NELL1: variants seen among roughly 807,000 people sequenced by gnomAD.
NELL1 encodes neural EGFL like 1, also known as protein kinase C-binding protein NELL1.
In NELL1, 76 loss-of-function variants were observed where a neutral mutation model predicts 107.4. That is an observed-to-expected ratio of 0.71 (90% CI 0.59 to 0.86). NELL1 has a LOEUF of 0.86. NELL1 is among the 40% of genes least tolerant of loss of function. The probability of loss-of-function intolerance (pLI) is 0.00; values close to 1 mark genes in which losing one functional copy is unlikely to be tolerated. For missense variants in NELL1, 1,024 were observed against 1,005.5 expected, an observed-to-expected ratio of 1.02 and a Z score of -0.25; for synonymous variants, 353 against 341.2, an observed-to-expected ratio of 1.03 and a Z score of -0.38.
chr11:20,999,675 C>A (rs557770716), intron 12 of NELL1, among the ~76,000 whole-genome samples: 1 of 151,772 alleles, frequency 6.6e-6, no homozygotes, highest in South Asian at 2.1e-4. Context: ...ATCTTCCAGA[C>A]CTTGTTTTCT....
At chr11:21,097,392 A>G (rs1354933564) in intron 12 of NELL1, among the ~76,000 whole-genome samples, 1 of 152,238 alleles carries the variant, frequency 6.6e-6, no homozygotes, top group Non-Finnish European at 1.5e-5. Context: ...GCAAGAGCAC[A>G]GAGAACAAAG....
At position 20,714,186 on chromosome 11, in the gene NELL1, T is replaced by C. The variant is rs542988723; in HGVS notation, c.184+36126T>C. Among the ~76,000 whole-genome samples the C allele has an allele frequency of 4.7e-3, 670 of 142,420 alleles. 8 individuals are homozygous for C. Among genetic ancestry groups the C allele is most frequent in the Middle Eastern group, 0.011 (3 of 268 alleles). 93.4% of individuals were successfully genotyped at this position (142,420 alleles called of 152,430 possible). ...TACCTCCCCTGTCTCCTATCTGCTATCTCCCCGATTTTTTTTTTTTTTTTT... is the reference window on the plus strand; with the variant it reads ...TACCTCCCCTGTCTCCTATCTGCTACCTCCCCGATTTTTTTTTTTTTTTTT... On this transcript the variant is annotated intron_variant, in intron 2 of 19. Coordinates refer to ENST00000357134, the MANE Select transcript of NELL1 (RefSeq NM_006157.5).
intron 14 of NELL1, among the ~76,000 whole-genome samples, chr11:21,337,520 C>G (rs1850432660): frequency 6.6e-6 from 1 of 152,218 alleles, no homozygotes; most frequent in South Asian, 2.1e-4. Flanking sequence ...AGACAGCATA[C>G]AGGAGCTCTT....
chr11:20,970,917 C>T (rs1851487333), intron 12 of NELL1, among the ~76,000 whole-genome samples: 1 of 152,066 alleles, frequency 6.6e-6, no homozygotes, highest in Non-Finnish European at 1.5e-5. Flanking sequence ...TCATCTCATC[C>T]TCAATGAAAT....
intron 14 of NELL1, among the ~76,000 whole-genome samples, chr11:21,327,808 A>T (rs1218778440): frequency 6.6e-6 from 1 of 152,110 alleles, no homozygotes; most frequent in Non-Finnish European, 1.5e-5. Context: ...GGAGATGAGG[A>T]ACTTGTTGGG....
At chr11:20,779,415 C>A (rs906026483) in intron 2 of NELL1, among the ~76,000 whole-genome samples, 1 of 152,204 alleles carries the variant, frequency 6.6e-6, no homozygotes, top group Non-Finnish European at 1.5e-5. Flanking sequence ...CTAACTTGCT[C>A]TCTATATTTA....
chr11:21,486,735 A>G (rs144276315), intron 15 of NELL1, among the ~76,000 whole-genome samples: 45 of 152,284 alleles, frequency 3.0e-4, no homozygotes, highest in African/African-American at 1.1e-3. Flanking sequence ...ATAAAAAACA[A>G]TTCAGGATAT....
intron 12 of NELL1, among the ~76,000 whole-genome samples, chr11:21,008,291 C>T (rs1188624293): frequency 1.3e-5 from 2 of 152,136 alleles, no homozygotes; most frequent in Non-Finnish European, 2.9e-5. Flanking sequence ...ATACAAACTA[C>T]ATCTTAAATC....
intron 14 of NELL1, among the ~76,000 whole-genome samples, chr11:21,297,136 G>A (rs917652270): frequency 8.6e-5 from 13 of 151,900 alleles, no homozygotes; most frequent in African/African-American, 3.1e-4. Flanking sequence ...AGGAGATTTT[G>A]AAGTTATTGC....
chr11:20,762,717 A>T (rs10833388), intron 2 of NELL1, among the ~76,000 whole-genome samples: 28,938 of 152,140 alleles, frequency 0.19, 2,841 homozygotes, highest in South Asian at 0.28. Context: ...GTTGACAGGC[A>T]TCTTTGCATT....
chr11:20,975,561 C>CAGATATAATGTATTATATACACATATGT, intron 12 of NELL1, among the ~76,000 whole-genome samples: 1 of 127,060 alleles, frequency 7.9e-6, no homozygotes, highest in African/African-American at 2.8e-5. Context: ...CATATATGTA[C>CAGATATAATGTATTATATACACATATGT]AGATATAATG....
At position 20,851,701 on chromosome 11, in the gene NELL1, C is replaced by T. The variant is rs116141914; in HGVS notation, c.506+3948C>T. ...AACTTTTAATTTTCATTCAGCCCAT[C>T]AAATTTATTTATTGGGTACACTATC... On this transcript the variant is annotated intron_variant, in intron 4 of 19. Coordinates refer to ENST00000357134, the MANE Select transcript of NELL1 (RefSeq NM_006157.5). 3.1e-3 allele frequency among the ~76,000 whole-genome samples: 474 copies of T among 152,296 alleles called. 3 individuals are homozygous for T. The highest frequency in any genetic ancestry group is 0.011 in the African/African-American group (456 of 41,538).
intron 16 of NELL1, among the ~76,000 whole-genome samples, chr11:21,537,066 G>A (rs1334847667): frequency 2.6e-5 from 4 of 152,126 alleles, no homozygotes; most frequent in African/African-American, 9.7e-5. Flanking sequence ...TTTAATTTGG[G>A]TAGTAGTCTG....
chr11:21,019,386 T>A (rs1852645247), intron 12 of NELL1, among the ~76,000 whole-genome samples: 1 of 152,062 alleles, frequency 6.6e-6, no homozygotes, highest in African/African-American at 2.4e-5. Flanking sequence ...AATGCACAAG[T>A]ATATGTGGCC....
At chr11:21,430,829 T>G (rs1852947278) in intron 15 of NELL1, among the ~76,000 whole-genome samples, 1 of 152,120 alleles carries the variant, frequency 6.6e-6, no homozygotes, top group Non-Finnish European at 1.5e-5. Context: ...GTATTTGTGT[T>G]TTACTAACTG....
chr11:20,862,605 C>CTTTTTTTTTTTTTTTT (rs386373288), intron 4 of NELL1, among the ~76,000 whole-genome samples: 2 of 94,650 alleles, frequency 2.1e-5, no homozygotes, highest in Non-Finnish European at 3.8e-5. Context: ...TGAGCTGCTG[C>CTTTTTTTTTTTTTTTT]TTTTTTTTTT....
chr11:20,955,776 T>A (rs1270303898), intron 11 of NELL1, among the ~76,000 whole-genome samples: 2 of 152,214 alleles, frequency 1.3e-5, no homozygotes, highest in African/African-American at 4.8e-5. Flanking sequence ...TTAATAACAA[T>A]ATTATTATCT....
intron 14 of NELL1, among the ~76,000 whole-genome samples, chr11:21,330,076 G>T (rs575527296): frequency 6.6e-6 from 1 of 151,480 alleles, no homozygotes; most frequent in Non-Finnish European, 1.5e-5. Context: ...TGTGGATCTC[G>T]GTAACCAATT....
chr11:21,416,732 G>C (rs1326736429), intron 15 of NELL1, among the ~76,000 whole-genome samples: 2 of 151,976 alleles, frequency 1.3e-5, no homozygotes, highest in African/African-American at 2.4e-5. Context: ...GATGGAGCTG[G>C]TGACAGGTTA....
Sources: gnomAD v4.1 joint callset for allele counts (sites outside exome capture counted in the v4.1 genomes callset) on GRCh38, gnomAD v4.1.1 for gene constraint, MANE v1.5 for transcripts, NCBI Gene and HGNC (gene_info 2026-07-23, HGNC 2026-07-21) for gene names.